CUL4A: variants seen among roughly 807,000 people sequenced by gnomAD.
CUL4A encodes the protein cullin 4A, also known as cullin-4A.
Under a neutral mutation model 95.5 loss-of-function variants are expected in CUL4A, and 16 were observed. The ratio of observed to expected loss-of-function variants is 0.17; its 90% CI spans 0.11 to 0.25. The LOEUF is 0.25. Among genes scored for constraint, CUL4A ranks in the 10% least tolerant of loss-of-function variants. CUL4A has a pLI of 1.00. For missense variants in CUL4A, 610 were observed against 937.0 expected (o/e 0.65, Z 4.56); for synonymous variants, 380 against 353.1 (o/e 1.08, Z -0.85).
At chr13:113,222,894 C>T (rs566773787) in intron 3 of CUL4A, among the ~76,000 whole-genome samples, 3 of 152,226 alleles carry the variant, frequency 2.0e-5, no homozygotes, top group African/African-American at 7.2e-5. Flanking sequence ...AGCAAGACCC[C>T]CATCTCTAAA....
intron 3 of CUL4A, chr13:113,219,364 C>T (rs2040813760): frequency 4.3e-6 from 1 of 233,336 alleles, no homozygotes; most frequent in Non-Finnish European, 8.4e-6. Flanking sequence ...GCAACAAAGT[C>T]CCATCGACTT....
At chr13:113,208,469 C>A, upstream of CUL4A, 1 of 1,531,310 alleles carries the variant, frequency 6.5e-7, no homozygotes, top group African/African-American at 1.4e-5. Flanking sequence ...CGGCTGCCCG[C>A]CGGGGACCCG....
rs536894644 is a variant in CUL4A at position 113,233,787 on chromosome 13, C to T, written c.676-110C>T. ...CGGCCGGCTGGGTGGCCACAGGCGC[C>T]TCCAAGTTCAGGTCATGGCAGCCTG... On this transcript the variant is annotated intron_variant, in intron 6 of 19. Coordinates refer to ENST00000375440, the MANE Select transcript of CUL4A (RefSeq NM_001008895.4). The T allele has an allele frequency of 4.0e-6, 3 of 748,224 alleles. No individual in the cohort carries two copies. The Admixed American group carries it at 7.3e-5, about 18-fold the overall frequency. 46.3% of individuals were successfully genotyped at this position (748,224 alleles called of 1,614,324 possible). A position where few individuals can be genotyped will look rare whatever the true frequency, so the allele number is the denominator to read the frequency against.
chr13:113,240,900 G>C (rs1416135294), intron 10 of CUL4A, among the ~76,000 whole-genome samples: 1 of 152,166 alleles, frequency 6.6e-6, no homozygotes, highest in East Asian at 1.9e-4. Flanking sequence ...GCAAACCGTT[G>C]CCATTGGAGG....
rs1259051601 is a variant in CUL4A, at chr13:113,266,721, C to T, written c.*3139C>T. 6.6e-6 allele frequency: 1 copy of T among 152,194 alleles called. No individual in the cohort carries two copies. The highest frequency in any genetic ancestry group is 1.5e-5 in the Non-Finnish European group (1 of 68,044). The allele number at this position is 152,194 out of a possible 1,614,324, so 9.4% of individuals were successfully genotyped here. A position where few individuals can be genotyped will look rare whatever the true frequency, so the allele number is the denominator to read the frequency against. On this transcript the variant is annotated 3_prime_UTR_variant, in exon 20 of 20. Coordinates refer to ENST00000375440, the MANE Select transcript of CUL4A (RefSeq NM_001008895.4). ...ATCAGGAACTGGAACTTTGCAACAA[C>T]TACCCATGCTCAGAAGTTTGGGCCA...
At chr13:113,230,168 G>A (rs1283759648) in intron 5 of CUL4A, 1 of 155,124 alleles carries the variant, frequency 6.4e-6, no homozygotes. Flanking sequence ...TTAATGTAGT[G>A]TTTCATTCTT....
chr13:113,254,512 A>G (rs9549717), intron 16 of CUL4A, among the ~76,000 whole-genome samples, 181 bp from the exon 17 acceptor site: 34,020 of 151,914 alleles, frequency 0.22, 4,806 homozygotes, highest in East Asian at 0.55. Flanking sequence ...GGAGAATGGC[A>G]TGATTCCGGG....
At chr13:113,224,756 A>G (rs1206848143) in intron 3 of CUL4A, among the ~76,000 whole-genome samples, 1 of 152,238 alleles carries the variant, frequency 6.6e-6, no homozygotes. Context: ...AGCCGTAGGT[A>G]TCTTTATTGA....
chr13:113,242,071 C>T (rs540693583), intron 10 of CUL4A, among the ~76,000 whole-genome samples: 40 of 152,232 alleles, frequency 2.6e-4, no homozygotes, highest in African/African-American at 5.5e-4. Context: ...AATCCCACCA[C>T]TTTGGGAGGC....
Position 113,263,868 on chromosome 13 carries a change from G to T in CUL4A, c.*286G>T, listed in dbSNP as rs1363808928. The stretch of plus-strand genomic sequence containing the variant: ...GACAAGAAGATGTTACTAAAGAGAA[G>T]TTCCTTTAAAAGGTCTTGTTCTTGT... On this transcript the variant is annotated 3_prime_UTR_variant, in exon 20 of 20. Coordinates refer to ENST00000375440, the MANE Select transcript of CUL4A (RefSeq NM_001008895.4). The T allele has an allele frequency of 3.7e-6, 1 of 269,626 alleles. No individual in the cohort carries two copies. The highest frequency in any genetic ancestry group is 6.9e-6 in the Non-Finnish European group (1 of 145,370). The allele number at this position is 269,626 out of a possible 1,614,324, so 16.7% of individuals were successfully genotyped here. A position where few individuals can be genotyped will look rare whatever the true frequency, so the allele number is the denominator to read the frequency against.
At chr13:113,241,848 C>T (rs902855007) in intron 10 of CUL4A, among the ~76,000 whole-genome samples, 10 of 151,852 alleles carry the variant, frequency 6.6e-5, no homozygotes, top group Admixed American at 4.6e-4. Flanking sequence ...AGCTACCTCG[C>T]GTGTGTGTGT....
intron 1 of CUL4A, 26 bp from the exon 2 acceptor site, chr13:113,209,947 C>T: frequency 2.0e-6 from 3 of 1,475,010 alleles, no homozygotes; most frequent in Non-Finnish European, 2.7e-6. Context: ...GCGCCCTGAG[C>T]CGCCCGCTCT....
chr13:113,237,413 G>GACGGCGCGGC (rs1355883884), intron 9 of CUL4A, among the ~76,000 whole-genome samples: 2 of 152,228 alleles, frequency 1.3e-5, no homozygotes, highest in African/African-American at 2.4e-5. Context: ...TTCTAGTGCT[G>GACGGCGCGGC]ACGGCGCGGC....
At chr13:113,226,602 GC>G (rs2139151370) in intron 3 of CUL4A, among the ~76,000 whole-genome samples, 1 of 152,272 alleles carries the variant, frequency 6.6e-6, no homozygotes, top group East Asian at 1.9e-4. Context: ...TACTTTTTGG[GC>G]CTTTTCCTAA....
intron 16 of CUL4A, among the ~76,000 whole-genome samples, chr13:113,254,127 TG>T: frequency 6.6e-6 from 1 of 152,248 alleles, no homozygotes; most frequent in Admixed American, 6.5e-5. Context: ...GGGCTTGTTA[TG>T]GGCTTGTGAT....
chr13:113,236,457 C>T (rs1001342775), intron 8 of CUL4A, among the ~76,000 whole-genome samples: 11 of 152,136 alleles, frequency 7.2e-5, no homozygotes, highest in South Asian at 2.1e-4. Flanking sequence ...AAGCAGAAGG[C>T]GGAATGTCGG....
At chr13:113,210,943 G>GT (rs2040410205) in intron 2 of CUL4A, among the ~76,000 whole-genome samples, 1 of 152,234 alleles carries the variant, frequency 6.6e-6, no homozygotes, top group Non-Finnish European at 1.5e-5. Flanking sequence ...TGTCTGAAGT[G>GT]TAAGTGGATG....
At position 113,244,523 on chromosome 13, in the gene CUL4A, C is replaced by G. The variant is rs961688630; in HGVS notation, c.1333+9C>G. The G allele has an allele frequency of 6.3e-7, 1 of 1,597,926 alleles. No individual in the cohort carries two copies. The highest frequency in any genetic ancestry group is 8.6e-7 in the Non-Finnish European group (1 of 1,168,404). ...GTTCAGGTTTATCCACGGTGAGACT[C>G]GGGCACTCAGAAAATGCTGCATAAT... On this transcript the variant is annotated intron_variant, in intron 12 of 19. Coordinates refer to ENST00000375440, the MANE Select transcript of CUL4A (RefSeq NM_001008895.4).
At chr13:113,208,485 A>T, upstream of CUL4A, 2 of 1,541,022 alleles carry the variant, frequency 1.3e-6, no homozygotes, top group Admixed American at 2.0e-5. Context: ...ACCCGAACGG[A>T]AGAAGGGTGG....
Sources: allele counts gnomAD v4.1 joint callset (sites outside exome capture counted in the v4.1 genomes callset), GRCh38; gene constraint gnomAD v4.1.1; transcripts MANE v1.5; gene names NCBI Gene and HGNC (gene_info 2026-07-23, HGNC 2026-07-21).